SOX5: variants seen among roughly 807,000 people sequenced by gnomAD.
The protein encoded by SOX5 is transcription factor SOX-5.
SOX5 carries 9 observed loss-of-function variants against 92.0 expected under a neutral mutation model. The ratio of observed to expected loss-of-function variants is 0.10; its 90% CI spans 0.06 to 0.17. SOX5 has a LOEUF of 0.17. Ranked by LOEUF, SOX5 falls within the 10% of genes least tolerant of loss-of-function variation. The pLI is 1.00. For synonymous variants in SOX5, 344 were observed against 336.3 expected, an observed-to-expected ratio of 1.02 and a Z score of -0.25; for missense variants, 642 against 944.5, an observed-to-expected ratio of 0.68 and a Z score of 4.20.
At chr12:24,210,661 C>A (rs1399835789) in intron 4 of SOX5, among the ~76,000 whole-genome samples, 1 of 152,002 alleles carries the variant, frequency 6.6e-6, no homozygotes, top group African/African-American at 2.4e-5. Flanking sequence ...TCATTAAGGT[C>A]CCTATTATAA....
At chr12:23,759,631 A>T (rs890123396) in intron 3 of SOX5, among the ~76,000 whole-genome samples, 2 of 152,110 alleles carry the variant, frequency 1.3e-5, no homozygotes, top group African/African-American at 4.8e-5. Context: ...TTTCTCTGAA[A>T]ATGGTAAAGA....
Position 24,353,529 on chromosome 12 carries a change from C to A in SOX5, c.-174+15034G>T, listed in dbSNP as rs1005273643. On this transcript the variant is annotated intron_variant, in intron 2 of 4. Coordinates refer to the SOX5 transcript ENST00000446891. ...GCAAAGTGAGGGCAGATGGAGGGGT[C>A]GACATTCCTTGCTTTAGAAAAATGA... Among the ~76,000 whole-genome samples the A allele has an allele frequency of 2.6e-5, 4 of 151,832 alleles. No homozygotes were observed. In the East Asian group the frequency reaches 7.7e-4, roughly 29 times the overall value.
intron 4 of SOX5, among the ~76,000 whole-genome samples, chr12:24,179,423 T>C (rs1169805372): frequency 6.6e-6 from 1 of 152,204 alleles, no homozygotes; most frequent in Admixed American, 6.5e-5. Context: ...AGGCTATCAA[T>C]ATGTAGTAGG....
intron 4 of SOX5, among the ~76,000 whole-genome samples, chr12:23,957,728 T>C (rs1179190705): frequency 6.6e-6 from 1 of 152,114 alleles, no homozygotes; most frequent in Non-Finnish European, 1.5e-5. Flanking sequence ...TAGAAAATAA[T>C]TCAGAAGGAC....
chr12:23,872,292 G>A (rs1159592894), intron 2 of SOX5, among the ~76,000 whole-genome samples: 1 of 150,726 alleles, frequency 6.6e-6, no homozygotes, highest in East Asian at 2.0e-4. Context: ...GATTACAGGC[G>A]TGGGCCACCC....
chr12:24,288,005 A>G (rs1285088730), intron 2 of SOX5, among the ~76,000 whole-genome samples: 1 of 152,190 alleles, frequency 6.6e-6, no homozygotes, highest in African/African-American at 2.4e-5. Flanking sequence ...ATTTCTTTCC[A>G]GGGCCATGAA....
At chr12:23,773,418 C>G (rs2094998060) in intron 3 of SOX5, among the ~76,000 whole-genome samples, 1 of 152,148 alleles carries the variant, frequency 6.6e-6, no homozygotes, top group South Asian at 2.1e-4. Context: ...GTCACCCAGG[C>G]TGGAGTGCAG....
intron 4 of SOX5, among the ~76,000 whole-genome samples, chr12:24,203,998 C>T (rs1957780303): frequency 6.6e-6 from 1 of 152,016 alleles, no homozygotes; most frequent in Non-Finnish European, 1.5e-5. Context: ...CAAAAAAGTC[C>T]ATTCAGATAA....
intron 6 of SOX5, among the ~76,000 whole-genome samples, chr12:23,674,990 T>C (rs930797272): frequency 6.6e-6 from 1 of 152,164 alleles, no homozygotes; most frequent in African/African-American, 2.4e-5. Context: ...AAATTGTTAG[T>C]CGGCTTTGCC....
chr12:24,256,979 G>C (rs530548743), intron 3 of SOX5, among the ~76,000 whole-genome samples: 2 of 152,312 alleles, frequency 1.3e-5, no homozygotes, highest in Non-Finnish European at 2.9e-5. Flanking sequence ...AGCCCACTGG[G>C]CTTTCTGCAG....
At chr12:23,758,878 C>G (rs527795453) in intron 3 of SOX5, among the ~76,000 whole-genome samples, 55 of 151,986 alleles carry the variant, frequency 3.6e-4, no homozygotes, top group African/African-American at 1.3e-3. Context: ...CACCATGGGA[C>G]GATGCAGCAA....
At chr12:23,767,092 T>A (rs1186310401) in intron 3 of SOX5, among the ~76,000 whole-genome samples, 2 of 151,948 alleles carry the variant, frequency 1.3e-5, no homozygotes, top group East Asian at 3.9e-4. Context: ...CTGTAGTCTC[T>A]GCTACTTGGG....
intron 4 of SOX5, among the ~76,000 whole-genome samples, chr12:24,093,984 T>A (rs1328050676): frequency 6.6e-6 from 1 of 152,190 alleles, no homozygotes; most frequent in African/African-American, 2.4e-5. Context: ...TTTGCTCTTG[T>A]TGCCCAGGCT....
At chr12:23,804,650 C>A (rs1030851538) in intron 3 of SOX5, among the ~76,000 whole-genome samples, 1 of 151,626 alleles carries the variant, frequency 6.6e-6, no homozygotes, top group Non-Finnish European at 1.5e-5. Context: ...TGATGGTACC[C>A]GATGCATTTT....
At chr12:23,743,547 T>C (rs2093876897) in intron 4 of SOX5, among the ~76,000 whole-genome samples, 1 of 152,152 alleles carries the variant, frequency 6.6e-6, no homozygotes, top group Non-Finnish European at 1.5e-5. Flanking sequence ...CCTGTCCTCG[T>C]GATCCTCCCG....
intron 4 of SOX5, among the ~76,000 whole-genome samples, chr12:24,065,660 AAAAAAAGAAAAG>A (rs1940594137): frequency 9.2e-6 from 1 of 108,824 alleles, no homozygotes; most frequent in Non-Finnish European, 2.5e-5. Flanking sequence ...AAAAAAAAAA[AAAAAAAGAAAAG>A]AAAAAAGAAA....
chr12:24,464,210 A>G (rs1188148039), intron 1 of SOX5, among the ~76,000 whole-genome samples: 2 of 152,154 alleles, frequency 1.3e-5, no homozygotes, highest in African/African-American at 4.8e-5. Flanking sequence ...GTGTGCATGT[A>G]AGTATGTGTA....
intron 4 of SOX5, among the ~76,000 whole-genome samples, chr12:24,094,454 CT>C (rs5797062): frequency 0.36 from 45,205 of 127,290 alleles, 6,001 homozygotes; most frequent in East Asian, 0.54. Context: ...CTATTAGTGG[CT>C]TTTTTTTTTT....
chr12:23,710,996 C>T (rs1374375797), intron 6 of SOX5, among the ~76,000 whole-genome samples: 1 of 152,098 alleles, frequency 6.6e-6, no homozygotes. Flanking sequence ...ACTTTAAAAA[C>T]ATCACCTTCA....
Sources: allele counts gnomAD v4.1 joint callset (sites outside exome capture counted in the v4.1 genomes callset), GRCh38; gene constraint gnomAD v4.1.1; transcripts MANE v1.5; gene names NCBI Gene and HGNC (gene_info 2026-07-23, HGNC 2026-07-21).